SSH1: variants seen among roughly 807,000 people sequenced by gnomAD.
SSH1 encodes the protein protein phosphatase Slingshot homolog 1.
Under a neutral mutation model 79.7 loss-of-function variants are expected in SSH1, and 43 were observed. That is an observed-to-expected ratio of 0.54 (90% CI 0.42 to 0.70). The LOEUF is 0.70. Ranked by LOEUF, SSH1 falls within the 30% of genes least tolerant of loss-of-function variation. The probability of loss-of-function intolerance (pLI) is 0.00; values close to 1 mark genes in which losing one functional copy is unlikely to be tolerated. For missense variants in SSH1, 1,206 were observed against 1,358.8 expected (o/e 0.89, Z 1.77); for synonymous variants, 599 against 538.3 (o/e 1.11, Z -1.56).
intron 5 of SSH1, among the ~76,000 whole-genome samples, chr12:108,814,329 G>T (rs899690202): frequency 6.6e-6 from 1 of 151,988 alleles, no homozygotes; most frequent in Non-Finnish European, 1.5e-5. Flanking sequence ...ATGCCCTTTG[G>T]GGGTAATGCT....
chr12:108,846,576 A>C (rs2038903745), intron 2 of SSH1, among the ~76,000 whole-genome samples: 1 of 152,260 alleles, frequency 6.6e-6, no homozygotes, highest in Admixed American at 6.5e-5. Flanking sequence ...GCTCTGCTGC[A>C]ATCATCTGCA....
chr12:108,792,152 A>G, intron 14 of SSH1, 134 bp downstream of exon 14: 1 of 1,523,916 alleles, frequency 6.6e-7, no homozygotes, highest in Non-Finnish European at 8.8e-7. Context: ...GGGGGCCCAG[A>G]GGAGACAATA....
In SSH1 at chr12:108,806,361, G is replaced by C; in HGVS notation, c.765C>G (p.Ile255Met). 6.2e-7 allele frequency: 1 copy of C among 1,614,200 alleles called. No homozygotes were observed. Among genetic ancestry groups the C allele is most frequent in the Non-Finnish European group, 8.5e-7 (1 of 1,180,038 alleles). Residue 255 changes from isoleucine to methionine, a missense_variant, in exon 9 of 15, where the codon ATC becomes ATG. Physicochemically the swap from Ile to Met is conservative, Grantham distance 10. Coordinates refer to ENST00000326495, the MANE Select transcript of SSH1 (RefSeq NM_018984.4). ...PTEGERTERL[I>M]KAKLRSIMMS... ...TCATGATGCTTCGGAGCTTGGCTTT[G>C]ATGAGGCGCTCGGTCCTTTCCCCTT...
At chr12:108,818,190 C>CGTGG in intron 4 of SSH1, 59 bp downstream of exon 4, 13 of 1,293,436 alleles carry the variant, frequency 1.0e-5, no homozygotes, top group Admixed American at 1.7e-5. Flanking sequence ...AGAGCAAGAC[C>CGTGG]CTCATCTCAC....
chr12:108,819,982 G>T (rs958585199), intron 3 of SSH1, among the ~76,000 whole-genome samples: 1 of 152,160 alleles, frequency 6.6e-6, no homozygotes, highest in African/African-American at 2.4e-5. Flanking sequence ...GAGAGGAATT[G>T]GGTCATTAGA....
In SSH1 at chr12:108,784,903, G is replaced by C. The variant is rs2036229146; in HGVS notation, c.*3085C>G. 6.6e-6 allele frequency: 1 copy of C among 152,216 alleles called. No individual in the cohort carries two copies. Among genetic ancestry groups the C allele is most frequent in the Non-Finnish European group, 1.5e-5 (1 of 68,038 alleles). The allele number at this position is 152,216 out of a possible 1,614,324, so 9.4% of individuals were successfully genotyped here. A position where few individuals can be genotyped will look rare whatever the true frequency, so the allele number is the denominator to read the frequency against. The stretch of plus-strand genomic sequence containing the variant: ...TGAAAATGATAGTCATAAAAAACCA[G>C]TGACTTGCACAGCACAGACCCCTGC... On this transcript the variant is annotated 3_prime_UTR_variant, in exon 15 of 15. Transcript: ENST00000326495.
At chr12:108,802,067 A>G (rs889628086) in intron 11 of SSH1, among the ~76,000 whole-genome samples, 2 of 152,036 alleles carry the variant, frequency 1.3e-5, no homozygotes, top group African/African-American at 4.8e-5. Context: ...CAGCAATTAG[A>G]GTGTAATTTT....
At chr12:108,825,661 T>A (rs1471367262) in intron 2 of SSH1, among the ~76,000 whole-genome samples, 1 of 152,176 alleles carries the variant, frequency 6.6e-6, no homozygotes, top group Non-Finnish European at 1.5e-5. Context: ...CACTGCCGAG[T>A]CATCCTTTCC....
chr12:108,821,265 G>A (rs145880523), intron 3 of SSH1, among the ~76,000 whole-genome samples: 7 of 151,622 alleles, frequency 4.6e-5, no homozygotes, highest in Admixed American at 1.3e-4. Context: ...GTGGTGACAC[G>A]CATCTATGGT....
intron 2 of SSH1, among the ~76,000 whole-genome samples, chr12:108,843,032 G>A (rs1464769289): frequency 1.3e-5 from 2 of 152,002 alleles, no homozygotes; most frequent in South Asian, 2.1e-4. Flanking sequence ...CGATTATTGC[G>A]CTTGTTTATT....
intron 2 of SSH1, among the ~76,000 whole-genome samples, chr12:108,830,582 C>A (rs952077330): frequency 6.6e-6 from 1 of 152,014 alleles, no homozygotes; most frequent in Non-Finnish European, 1.5e-5. Flanking sequence ...AAAGGTAACA[C>A]CAACAAAAAG....
At chr12:108,805,742 A>G (rs1297600949) in intron 9 of SSH1, among the ~76,000 whole-genome samples, 1 of 152,134 alleles carries the variant, frequency 6.6e-6, no homozygotes, top group African/African-American at 2.4e-5. Flanking sequence ...GTCAATTTTA[A>G]CTTCTTAGAT....
intron 13 of SSH1, 28 bp downstream of exon 13, chr12:108,798,972 C>A: frequency 6.2e-7 from 1 of 1,608,882 alleles, no homozygotes; most frequent in Non-Finnish European, 8.5e-7. Context: ...CTCCGCCTGC[C>A]AACCCTTCTC....
At chr12:108,845,174 A>G (rs999749882) in intron 2 of SSH1, among the ~76,000 whole-genome samples, 8 of 148,724 alleles carry the variant, frequency 5.4e-5, no homozygotes, top group African/African-American at 2.0e-4. Context: ...GCACCACTGC[A>G]CTCCAGCCTG....
At chr12:108,841,609 AC>A (rs1378585247) in intron 2 of SSH1, among the ~76,000 whole-genome samples, 3 of 151,966 alleles carry the variant, frequency 2.0e-5, no homozygotes, top group Admixed American at 6.6e-5. Context: ...GGAGTTCGAG[AC>A]CAACCTGGCC....
At chr12:108,801,994 G>A (rs527467356) in intron 11 of SSH1, among the ~76,000 whole-genome samples, 24 of 152,298 alleles carry the variant, frequency 1.6e-4, no homozygotes, top group African/African-American at 5.1e-4. Flanking sequence ...GCAACTGTGC[G>A]GGGCAGGGAA....
chr12:108,787,558 A>G lies in SSH1; in HGVS notation c.*430T>C. 5.1e-6 allele frequency: 1 copy of G among 194,574 alleles called. No homozygotes were observed. Among genetic ancestry groups the G allele is most frequent in the Non-Finnish European group, 1.1e-5 (1 of 92,626 alleles). 12.1% of individuals were successfully genotyped at this position (194,574 alleles called of 1,614,324 possible). On this transcript the variant is annotated 3_prime_UTR_variant, in exon 15 of 15. Transcript: ENST00000326495. ...TAAAAAGCGCAGCGAGAACAGAGGT[A>G]GGACTTAATGTTGCCATCCGAGAGT...
intron 2 of SSH1, among the ~76,000 whole-genome samples, chr12:108,824,853 A>C (rs953451346): frequency 2.0e-5 from 3 of 152,214 alleles, no homozygotes; most frequent in African/African-American, 7.2e-5. Flanking sequence ...TCAGCTATGA[A>C]TTACTATCAA....
At chr12:108,816,805 T>C (rs2037909042) in intron 5 of SSH1, among the ~76,000 whole-genome samples, 1 of 82,522 alleles carries the variant, frequency 1.2e-5, no homozygotes, top group Non-Finnish European at 2.4e-5. Flanking sequence ...ACAGCATAAC[T>C]TTCTGTCCTC....
Sources: gnomAD v4.1 joint callset for allele counts (sites outside exome capture counted in the v4.1 genomes callset) on GRCh38, gnomAD v4.1.1 for gene constraint, MANE v1.5 for transcripts, NCBI Gene and HGNC (gene_info 2026-07-23, HGNC 2026-07-21) for gene names.